Variants in TBL1XR1 observed in about 807,000 individuals in gnomAD.
TBL1XR1 encodes F-box-like/WD repeat-containing protein TBL1XR1.
Under a neutral mutation model 66.9 loss-of-function variants are expected in TBL1XR1, and 5 were observed. The ratio of observed to expected loss-of-function variants is 0.07; its 90% CI spans 0.04 to 0.16. The LOEUF (loss-of-function observed/expected upper bound fraction) is 0.16, where lower values mean the gene tolerates loss of function less well. Among genes scored for constraint, TBL1XR1 ranks in the 10% least tolerant of loss-of-function variants. The probability of loss-of-function intolerance (pLI) is 1.00; values close to 1 mark genes in which losing one functional copy is unlikely to be tolerated. For synonymous variants in TBL1XR1, 210 were observed against 206.0 expected (o/e 1.02, Z -0.17); for missense variants, 238 against 623.2 (o/e 0.38, Z 6.58).
intron 1 of TBL1XR1, among the ~76,000 whole-genome samples, chr3:177,109,108 T>C (rs993941663): frequency 6.6e-6 from 1 of 152,180 alleles, no homozygotes; most frequent in South Asian, 2.1e-4. Flanking sequence ...AATTCACAGA[T>C]AAATATGGGG....
intron 1 of TBL1XR1, among the ~76,000 whole-genome samples, chr3:177,177,723 C>A (rs1734325375): frequency 6.6e-6 from 1 of 152,108 alleles, no homozygotes; most frequent in Admixed American, 6.6e-5. Flanking sequence ...TTTAAGACTA[C>A]CAGCTAATCA....
chr3:177,139,715 A>G lies in TBL1XR1; in HGVS notation c.-121-41174T>C, dbSNP rs76020484. ...AATTTGACAATCTAGAGAGTCCAACATTTACTTACAACGTAAGACATGCAA... is the reference window on the plus strand; with the variant it reads ...AATTTGACAATCTAGAGAGTCCAACGTTTACTTACAACGTAAGACATGCAA... On this transcript the variant is annotated intron_variant, in intron 1 of 15. Transcript: ENST00000457928. 6.9e-3 allele frequency among the ~76,000 whole-genome samples: 1,054 copies of G among 152,208 alleles called. 7 individuals are homozygous for G. Among genetic ancestry groups the G allele is most frequent in the Non-Finnish European group, 0.011 (720 of 68,018 alleles).
At chr3:177,108,552 A>AGGATTTATAATCCTATTGAATGC (rs1725161674) in intron 1 of TBL1XR1, among the ~76,000 whole-genome samples, 1 of 152,250 alleles carries the variant, frequency 6.6e-6, no homozygotes, top group Non-Finnish European at 1.5e-5. Flanking sequence ...AAAATAAACT[A>AGGATTTATAATCCTATTGAATGC]GGATTTATAA....
chr3:177,046,513 G>A (rs985620393), intron 9 of TBL1XR1, among the ~76,000 whole-genome samples: 9 of 152,098 alleles, frequency 5.9e-5, no homozygotes, highest in African/African-American at 2.2e-4. Context: ...TCGTATAGAT[G>A]TTTAGTAAGA....
intron 12 of TBL1XR1, among the ~76,000 whole-genome samples, chr3:177,035,102 G>C (rs780441667): frequency 1.6e-4 from 25 of 152,252 alleles, no homozygotes; most frequent in Middle Eastern, 3.4e-3. Context: ...TGAAGCATCA[G>C]AGTGTTTTTG....
chr3:177,059,114 G>A (rs1718182973), intron 3 of TBL1XR1, among the ~76,000 whole-genome samples: 1 of 152,208 alleles, frequency 6.6e-6, no homozygotes, highest in Non-Finnish European at 1.5e-5. Context: ...AAGGCAGACT[G>A]AAGGCGGACA....
At chr3:177,164,894 T>C (rs1274344183) in intron 1 of TBL1XR1, among the ~76,000 whole-genome samples, 8 of 152,190 alleles carry the variant, frequency 5.3e-5, no homozygotes, top group African/African-American at 1.9e-4. Context: ...TACAGCATTG[T>C]AGGAAAAATT....
At chr3:177,165,225 T>C (rs947389931) in intron 1 of TBL1XR1, among the ~76,000 whole-genome samples, 1 of 152,226 alleles carries the variant, frequency 6.6e-6, no homozygotes, top group African/African-American at 2.4e-5. Context: ...AAGGTTAGTA[T>C]ACAAAAGTCA....
chr3:177,198,795 G>A (rs1369575736), upstream of TBL1XR1, among the ~76,000 whole-genome samples: 1 of 151,802 alleles, frequency 6.6e-6, no homozygotes, highest in Non-Finnish European at 1.5e-5. Flanking sequence ...CAGAATATTT[G>A]AAAATAGATG....
intron 1 of TBL1XR1, among the ~76,000 whole-genome samples, chr3:177,144,538 G>A (rs931888328): frequency 7.2e-5 from 11 of 151,950 alleles, no homozygotes; most frequent in Non-Finnish European, 1.5e-4. Context: ...TGGATCATGA[G>A]GTCAGGAGAT....
intron 1 of TBL1XR1, among the ~76,000 whole-genome samples, chr3:177,178,844 G>A (rs1044170640): frequency 1.6e-4 from 24 of 152,118 alleles, no homozygotes; most frequent in African/African-American, 2.9e-4. Flanking sequence ...TCAGTCAGGC[G>A]CAGTGGTTCA....
rs1712222485 is a variant in TBL1XR1 at position 177,020,582 on chromosome 3, C to A, written c.*4916G>T. ...ATGAATGTGTTATAGGTTATGAAGG[C>A]TAACTTGGAAAAAAAGGTTTATTCT... On this transcript the variant is annotated 3_prime_UTR_variant, in exon 16 of 16. Transcript: ENST00000457928. 1 of 151,888 alleles carries A rather than the reference C, an allele frequency of 6.6e-6. No individual in the cohort carries two copies. The highest frequency in any genetic ancestry group is 1.5e-5 in the Non-Finnish European group (1 of 67,942). 9.4% of individuals were successfully genotyped at this position (151,888 alleles called of 1,614,324 possible).
chr3:177,142,905 A>G (rs1442862249), intron 1 of TBL1XR1, among the ~76,000 whole-genome samples: 1 of 151,948 alleles, frequency 6.6e-6, no homozygotes, highest in Non-Finnish European at 1.5e-5. Flanking sequence ...ACACTTACCC[A>G]CCTGAAGACA....
intron 1 of TBL1XR1, among the ~76,000 whole-genome samples, chr3:177,111,445 G>T (rs551616387): frequency 1.3e-5 from 2 of 152,024 alleles, no homozygotes; most frequent in South Asian, 4.1e-4. Context: ...GCTAATTTGG[G>T]TATTTTTAGT....
At chr3:177,069,777 GGAAGGA>G (rs1719657892) in intron 2 of TBL1XR1, among the ~76,000 whole-genome samples, 1 of 92,390 alleles carries the variant, frequency 1.1e-5, no homozygotes, top group African/African-American at 5.0e-5. Flanking sequence ...AGGAAGGAAA[GGAAGGA>G]AAAGGAAGGA....
chr3:177,070,851 A>AT (rs1719886209), intron 2 of TBL1XR1, among the ~76,000 whole-genome samples: 8 of 137,998 alleles, frequency 5.8e-5, no homozygotes, highest in African/African-American at 8.2e-5. Flanking sequence ...GTCTCAAAAA[A>AT]AAAATAAATA....
chr3:177,061,297 CA>C (rs920027446), intron 3 of TBL1XR1, among the ~76,000 whole-genome samples: 1 of 152,110 alleles, frequency 6.6e-6, no homozygotes, highest in African/African-American at 2.4e-5. Context: ...AAACTTTCAA[CA>C]GATAGTATCT....
At chr3:177,172,533 G>A (rs1733654219) in intron 1 of TBL1XR1, among the ~76,000 whole-genome samples, 1 of 149,022 alleles carries the variant, frequency 6.7e-6, no homozygotes. Context: ...CAAGGCAGGA[G>A]GATCGCATGA....
intron 7 of TBL1XR1, among the ~76,000 whole-genome samples, chr3:177,049,525 A>C (rs1449393538): frequency 2.0e-5 from 3 of 152,182 alleles, no homozygotes; most frequent in African/African-American, 7.2e-5. Flanking sequence ...ATGATCCCTA[A>C]AAGGAAATTG....
Sources: allele counts gnomAD v4.1 joint callset (sites outside exome capture counted in the v4.1 genomes callset), GRCh38; gene constraint gnomAD v4.1.1; transcripts MANE v1.5; gene names NCBI Gene and HGNC (gene_info 2026-07-23, HGNC 2026-07-21).